HTR4: variants seen among roughly 807,000 people sequenced by gnomAD.
The protein encoded by HTR4 is 5-hydroxytryptamine receptor 4, also known as 5-hydroxytryptamine (serotonin) receptor 4, G protein-coupled.
In HTR4, 16 loss-of-function variants were observed where a neutral mutation model predicts 36.8. The ratio of observed to expected loss-of-function variants is 0.43; its 90% confidence interval spans 0.29 to 0.66. The LOEUF (loss-of-function observed/expected upper bound fraction) is 0.66. Ranked by LOEUF, HTR4 falls within the 30% of genes least tolerant of loss-of-function variation. HTR4 has a pLI of 0.13. For synonymous variants in HTR4, 189 were observed against 185.1 expected, an observed-to-expected ratio of 1.02 and a Z score of -0.17; for missense variants, 438 against 490.9, an observed-to-expected ratio of 0.89 and a Z score of 1.02.
chr5:148,503,338 C>T (rs1437437732), intron 6 of HTR4, among the ~76,000 whole-genome samples: 2 of 152,188 alleles, frequency 1.3e-5, no homozygotes, highest in Non-Finnish European at 2.9e-5. Context: ...GGCCAATATT[C>T]AACATTCTTA....
chr5:148,544,413 A>G (rs1399105727), intron 4 of HTR4, among the ~76,000 whole-genome samples: 1 of 152,072 alleles, frequency 6.6e-6, no homozygotes, highest in Non-Finnish European at 1.5e-5. Flanking sequence ...TATGCTAAAC[A>G]TTAGAGTCTG....
At chr5:148,472,980 A>G (rs1010935761), downstream of HTR4, among the ~76,000 whole-genome samples, 11 of 152,122 alleles carry the variant, frequency 7.2e-5, no homozygotes, top group African/African-American at 2.4e-4. Context: ...CATCAGCCTG[A>G]TGGAATGTCC....
Position 148,484,059 on chromosome 5 carries a change from T to A in HTR4, c.1077-766A>T, listed in dbSNP as rs910432306. Among the ~76,000 whole-genome samples, 4 of 152,122 alleles carry A rather than the reference T, an allele frequency of 2.6e-5. No homozygotes were observed. In the East Asian group the frequency reaches 7.7e-4, roughly 29 times the overall value. On this transcript the variant is annotated intron_variant, in intron 6 of 6. Coordinates refer to ENST00000377888, the MANE Select transcript of HTR4 (RefSeq NM_000870.7). ...TTGGTATCACTTTAGTCAGCTGAGATCATTCTAAATCATAGCAATTTTAAC... is the reference window on the plus strand; with the variant it reads ...TTGGTATCACTTTAGTCAGCTGAGAACATTCTAAATCATAGCAATTTTAAC...
chr5:148,522,566 G>A lies in HTR4; in HGVS notation c.507+627C>T, dbSNP rs903861519. 5.9e-5 allele frequency among the ~76,000 whole-genome samples: 9 copies of A among 152,124 alleles called. No individual in the cohort carries two copies. The South Asian group carries it at 6.2e-4, about 11-fold the overall frequency. ...CTCTCTGGCATACAGGCATGTTAAA[G>A]AAAAAAATTATTCATGACATTTGTT... On this transcript the variant is annotated intron_variant, in intron 5 of 6. Coordinates refer to ENST00000377888, the MANE Select transcript of HTR4 (RefSeq NM_000870.7).
chr5:148,622,526 T>G (rs1292024198), intron 2 of HTR4, among the ~76,000 whole-genome samples: 1 of 152,240 alleles, frequency 6.6e-6, no homozygotes, highest in African/African-American at 2.4e-5. Context: ...ATCCTTCTGA[T>G]ACTCCTGTGT....
intron 6 of HTR4, among the ~76,000 whole-genome samples, chr5:148,486,117 C>T (rs1237495351): frequency 6.6e-6 from 1 of 152,180 alleles, no homozygotes; most frequent in Non-Finnish European, 1.5e-5. Context: ...ATGAAGGACT[C>T]ACAACGTCTC....
At chr5:148,625,905 G>T (rs1753085339) in intron 2 of HTR4, among the ~76,000 whole-genome samples, 2 of 150,290 alleles carry the variant, frequency 1.3e-5, no homozygotes, top group African/African-American at 4.9e-5. Flanking sequence ...TTTTTGAAGT[G>T]GATCGAACCC....
downstream of HTR4, among the ~76,000 whole-genome samples, chr5:148,472,822 T>G (rs1223427736): frequency 1.3e-5 from 2 of 152,192 alleles, no homozygotes; most frequent in Admixed American, 1.3e-4. Context: ...CACTGTGTTG[T>G]AGGAGTGGAT....
chr5:148,612,317 T>G (rs1262533820), intron 2 of HTR4, among the ~76,000 whole-genome samples: 2 of 144,840 alleles, frequency 1.4e-5, no homozygotes, highest in East Asian at 3.9e-4. Context: ...ACAGAAATTA[T>G]AACAAACTGT....
intron 5 of HTR4, among the ~76,000 whole-genome samples, chr5:148,469,435 C>T (rs1755511337): frequency 6.6e-6 from 1 of 152,196 alleles, no homozygotes; most frequent in Non-Finnish European, 1.5e-5. Flanking sequence ...TAAAACGGTT[C>T]TGATCTGACT....
chr5:148,519,900 GC>G (rs1757931388), intron 5 of HTR4, among the ~76,000 whole-genome samples: 2 of 152,292 alleles, frequency 1.3e-5, no homozygotes, highest in South Asian at 4.1e-4. Context: ...GCTGTGATGT[GC>G]TTTACAGAGA....
chr5:148,541,448 A>G (rs1285657253), intron 4 of HTR4, among the ~76,000 whole-genome samples: 2 of 152,226 alleles, frequency 1.3e-5, no homozygotes, highest in African/African-American at 4.8e-5. Flanking sequence ...TCAAACAATT[A>G]TTGAGACGCA....
Position 148,654,062 on chromosome 5 carries a change from C to A in HTR4, c.-48G>T. ...CCCCCGGCGCACTTGCCGCACATAC[C>A]CGCTGCCAGAGGCGAGGGAGCGAGG... On this transcript the variant is annotated splice_region_variant and 5_prime_UTR_variant, in exon 1 of 7. Coordinates refer to ENST00000377888, the MANE Select transcript of HTR4 (RefSeq NM_000870.7). 1.0e-6 allele frequency: 1 copy of A among 985,348 alleles called. No individual in the cohort carries two copies. Among genetic ancestry groups the A allele is most frequent in the Non-Finnish European group, 1.2e-6 (1 of 829,890 alleles). 61.0% of individuals were successfully genotyped at this position (985,348 alleles called of 1,614,324 possible).
intron 6 of HTR4, among the ~76,000 whole-genome samples, chr5:148,492,989 T>C (rs1327113250): frequency 6.6e-6 from 1 of 152,178 alleles, no homozygotes; most frequent in Non-Finnish European, 1.5e-5. Flanking sequence ...CTCAACACAT[T>C]AGCCTAGAAG....
chr5:148,497,314 C>T (rs1581382268), intron 6 of HTR4, among the ~76,000 whole-genome samples: 1 of 152,126 alleles, frequency 6.6e-6, no homozygotes, highest in East Asian at 1.9e-4. Flanking sequence ...AGGAAAGTCA[C>T]TGAGGATTGA....
chr5:148,451,407 G>A, intron 5 of HTR4: 2 of 1,454,254 alleles, frequency 1.4e-6, no homozygotes, highest in African/African-American at 1.4e-5. Flanking sequence ...GAGTGGGGAT[G>A]GGGTGATACT....
chr5:148,582,630 CAG>C (rs781671004), intron 2 of HTR4, among the ~76,000 whole-genome samples: 1 of 152,128 alleles, frequency 6.6e-6, no homozygotes, highest in African/African-American at 2.4e-5. Flanking sequence ...GAGCCCAATA[CAG>C]AGTCTCCTTT....
chr5:148,607,393 C>T (rs902322470), intron 2 of HTR4, among the ~76,000 whole-genome samples: 2 of 152,158 alleles, frequency 1.3e-5, no homozygotes, highest in African/African-American at 4.8e-5. Flanking sequence ...GTGATTCGGG[C>T]AGCAGTGATG....
intron 4 of HTR4, among the ~76,000 whole-genome samples, chr5:148,538,631 G>A (rs554146972): frequency 5.3e-5 from 8 of 151,842 alleles, no homozygotes; most frequent in African/African-American, 1.5e-4. Context: ...CACAACTGCC[G>A]CAAAAAGAAT....
Sources: gnomAD v4.1 joint callset for allele counts (sites outside exome capture counted in the v4.1 genomes callset) on GRCh38, gnomAD v4.1.1 for gene constraint, MANE v1.5 for transcripts, NCBI Gene and HGNC (gene_info 2026-07-23, HGNC 2026-07-21) for gene names.